Variants in NFATC3 observed in about 807,000 individuals in gnomAD.
NFATC3 encodes nuclear factor of activated T cells 3.
NFATC3 carries 46 observed loss-of-function variants against 98.6 expected under a neutral mutation model. That is an observed-to-expected ratio of 0.47 (90% CI 0.37 to 0.60). The LOEUF (loss-of-function observed/expected upper bound fraction) is 0.60. NFATC3 is among the 20% of genes least tolerant of loss of function. The pLI is 0.00. For synonymous variants in NFATC3, 512 were observed against 472.2 expected (o/e 1.08, Z -1.09); for missense variants, 1,256 against 1,295.5 (o/e 0.97, Z 0.47).
intron 8 of NFATC3, 34 bp downstream of exon 8, chr16:68,183,400 T>C: frequency 1.2e-6 from 2 of 1,602,036 alleles, no homozygotes; most frequent in Non-Finnish European, 1.7e-6. Flanking sequence ...CTATAGAGCT[T>C]TCTTTCCTAA....
intron 9 of NFATC3, chr16:68,209,710 T>C: frequency 4.3e-6 from 2 of 461,802 alleles, no homozygotes; most frequent in South Asian, 1.6e-5. Flanking sequence ...GGGGGAATGG[T>C]TAGGTCTCTG....
intron 1 of NFATC3, among the ~76,000 whole-genome samples, chr16:68,107,222 T>C (rs780817634): frequency 1.4e-4 from 21 of 152,250 alleles, no homozygotes; most frequent in Admixed American, 6.5e-4. Flanking sequence ...TGCATGTATC[T>C]TTATAATAGA....
At chr16:68,108,810 C>T (rs1388094926) in intron 1 of NFATC3, among the ~76,000 whole-genome samples, 1 of 152,042 alleles carries the variant, frequency 6.6e-6, no homozygotes. Flanking sequence ...TAGCTGTGTT[C>T]CTAGGTATTT....
At chr16:68,196,582 A>C (rs1431974338) in intron 9 of NFATC3, among the ~76,000 whole-genome samples, 1 of 151,950 alleles carries the variant, frequency 6.6e-6, no homozygotes, top group Non-Finnish European at 1.5e-5. Context: ...AATCCCAGCT[A>C]TTCTGGAGGC....
At chr16:68,152,535 G>C (rs940241326) in intron 3 of NFATC3, among the ~76,000 whole-genome samples, 1 of 152,070 alleles carries the variant, frequency 6.6e-6, no homozygotes, top group Non-Finnish European at 1.5e-5. Context: ...TAAAGAGAAA[G>C]AGCCTTGCTC....
chr16:68,154,469 C>T (rs1220173531), intron 3 of NFATC3, among the ~76,000 whole-genome samples: 2 of 152,202 alleles, frequency 1.3e-5, no homozygotes, highest in Non-Finnish European at 2.9e-5. Context: ...TCCATGATTT[C>T]ATCCGTTCTC....
chr16:68,148,305 C>T (rs372519119), intron 3 of NFATC3, among the ~76,000 whole-genome samples: 2 of 152,040 alleles, frequency 1.3e-5, no homozygotes, highest in Non-Finnish European at 2.9e-5. Context: ...TGTGAGCCAC[C>T]GTGCCTGACC....
intron 3 of NFATC3, among the ~76,000 whole-genome samples, chr16:68,142,239 CT>C (rs1198644224): frequency 6.6e-6 from 1 of 152,070 alleles, no homozygotes; most frequent in African/African-American, 2.4e-5. Context: ...TTTGTGTCAT[CT>C]ATGATTTTTT....
intron 4 of NFATC3, among the ~76,000 whole-genome samples, chr16:68,164,503 A>G (rs2039094454): frequency 6.6e-6 from 1 of 152,214 alleles, no homozygotes; most frequent in Non-Finnish European, 1.5e-5. Context: ...TGCTTTAAAT[A>G]TAGGATGCCA....
At position 68,113,009 on chromosome 16, in the gene NFATC3, G is replaced by A. The variant is rs527843023; in HGVS notation, c.104-8978G>A. Among the ~76,000 whole-genome samples, 22 of 151,998 alleles carry A rather than the reference G, an allele frequency of 1.4e-4. 1 individual carries two copies. The highest frequency in any genetic ancestry group is 4.8e-4 in the African/African-American group (20 of 41,462). ...CTGTAATGTTTTATCATGGTTTTTC[G>A]CTTCTTTGCCTTGGGTTAAAACATA... On this transcript the variant is annotated intron_variant, in intron 1 of 9. Transcript: ENST00000346183.
At chr16:68,165,036 C>T (rs1460541233) in intron 4 of NFATC3, among the ~76,000 whole-genome samples, 3 of 151,934 alleles carry the variant, frequency 2.0e-5, no homozygotes, top group Admixed American at 6.6e-5. Flanking sequence ...CTTTCTGGTA[C>T]TGTTATTTCA....
At chr16:68,214,308 A>T in intron 9 of NFATC3, 3 of 1,593,188 alleles carry the variant, frequency 1.9e-6, no homozygotes, top group Non-Finnish European at 2.6e-6. Context: ...TTCAGTAGTG[A>T]TGTTGTCTTC....
At chr16:68,165,398 T>C (rs963554916) in intron 4 of NFATC3, among the ~76,000 whole-genome samples, 11 of 146,668 alleles carry the variant, frequency 7.5e-5, no homozygotes, top group South Asian at 2.1e-4. Context: ...TTTTCTTTTT[T>C]TTTTTTTTTT....
At chr16:68,164,741 G>T (rs756718845) in intron 4 of NFATC3, among the ~76,000 whole-genome samples, 3 of 151,700 alleles carry the variant, frequency 2.0e-5, no homozygotes, top group South Asian at 4.2e-4. Context: ...TTAGCCGGGC[G>T]TGGTGGTGCA....
At chr16:68,128,968 C>T (rs1445437096) in intron 3 of NFATC3, among the ~76,000 whole-genome samples, 1 of 151,746 alleles carries the variant, frequency 6.6e-6, no homozygotes, top group Non-Finnish European at 1.5e-5. Flanking sequence ...TTGTGGCACA[C>T]CCTTGTAGTC....
chr16:68,123,023 G>T lies in NFATC3; in HGVS notation c.1140G>T (p.Gln380His). ...CAATAGATGATGGCCTTGGATCTCA[G>T]TATCCTTTAAAGAAAGATTCATGTG... ...ETSIDDGLGSQYPLKKDSCGD... is the reference protein window; with the variant it reads ...ETSIDDGLGSHYPLKKDSCGD... Residue 380 changes from glutamine (Q) to histidine (H), a missense_variant, in exon 2 of 10, where the codon CAG becomes CAT. Transcript: ENST00000346183. The T allele has an allele frequency of 1.2e-6, 2 of 1,613,788 alleles. No homozygotes were observed. Among genetic ancestry groups the T allele is most frequent in the Non-Finnish European group, 1.7e-6 (2 of 1,180,038 alleles).
intron 5 of NFATC3, among the ~76,000 whole-genome samples, chr16:68,170,186 A>G (rs1414109950): frequency 1.3e-5 from 2 of 152,150 alleles, no homozygotes; most frequent in Non-Finnish European, 1.5e-5. Flanking sequence ...ACGTCAAGAG[A>G]TCGACACCAT....
chr16:68,186,420 G>A (rs1598537859), intron 8 of NFATC3, among the ~76,000 whole-genome samples: 2 of 152,180 alleles, frequency 1.3e-5, no homozygotes, highest in South Asian at 4.2e-4. Context: ...TGAGCCTGTA[G>A]TCCCAGCTGC....
At chr16:68,221,089 C>T in intron 9 of NFATC3, 2 of 1,195,554 alleles carry the variant, frequency 1.7e-6, no homozygotes, top group South Asian at 2.9e-5. Context: ...TGCATATATC[C>T]ATTCAAGATG....
Sources: gnomAD v4.1 joint callset for allele counts (sites outside exome capture counted in the v4.1 genomes callset) on GRCh38, gnomAD v4.1.1 for gene constraint, MANE v1.5 for transcripts, NCBI Gene and HGNC (gene_info 2026-07-23, HGNC 2026-07-21) for gene names.